B3GALT1: variants seen among roughly 807,000 people sequenced by gnomAD.
The protein encoded by B3GALT1 is beta-1,3-galactosyltransferase 1.
Under a neutral mutation model 23.2 loss-of-function variants are expected in B3GALT1, and 10 were observed. The ratio of observed to expected loss-of-function variants is 0.43; its 90% CI spans 0.27 to 0.73. B3GALT1 has a LOEUF of 0.73. Among genes scored for constraint, B3GALT1 ranks in the 30% least tolerant of loss-of-function variants. The pLI is 0.21. For missense variants in B3GALT1, 299 were observed against 405.4 expected (o/e 0.74, Z 2.25); for synonymous variants, 156 against 141.5 (o/e 1.10, Z -0.73).
intron 1 of B3GALT1, among the ~76,000 whole-genome samples, chr2:167,482,682 A>C (rs910796036): frequency 6.6e-6 from 1 of 152,164 alleles, no homozygotes; most frequent in Admixed American, 6.5e-5. Context: ...TCTACTAAAA[A>C]TAAAAAAATT....
chr2:167,652,000 T>C (rs989118874), intron 3 of B3GALT1, among the ~76,000 whole-genome samples: 1 of 152,076 alleles, frequency 6.6e-6, no homozygotes, highest in African/African-American at 2.4e-5. Flanking sequence ...CAGAGAATTC[T>C]GAATGCTTAC....
At chr2:167,642,900 A>G (rs1253648959) in intron 2 of B3GALT1, among the ~76,000 whole-genome samples, 2 of 152,146 alleles carry the variant, frequency 1.3e-5, no homozygotes, top group Non-Finnish European at 2.9e-5. Flanking sequence ...AAGTGAATGA[A>G]TCCTATTAAT....
At chr2:167,667,662 G>A (rs181209166) in intron 3 of B3GALT1, among the ~76,000 whole-genome samples, 1,950 of 152,134 alleles carry the variant, frequency 0.013, 46 homozygotes, top group African/African-American at 0.044. Flanking sequence ...TTTTATTCTT[G>A]TTTCTCTAAA....
At chr2:167,619,645 C>T (rs1351308582) in intron 2 of B3GALT1, among the ~76,000 whole-genome samples, 2 of 152,090 alleles carry the variant, frequency 1.3e-5, no homozygotes, top group African/African-American at 2.4e-5. Context: ...AAACTAGCAT[C>T]TCTCAGATCT....
At chr2:167,526,759 C>T (rs12989813) in intron 2 of B3GALT1, among the ~76,000 whole-genome samples, 56,994 of 151,984 alleles carry the variant, frequency 0.38, 11,831 homozygotes, top group East Asian at 0.87. Flanking sequence ...TTTATAGTTA[C>T]AAATTGTTGT....
chr2:167,576,533 T>G (rs566335350), intron 2 of B3GALT1, among the ~76,000 whole-genome samples: 103 of 134,354 alleles, frequency 7.7e-4, no homozygotes, highest in Middle Eastern at 3.7e-3. Flanking sequence ...TTTTTTTTTG[T>G]TTTTTTTTTT....
At chr2:167,506,826 C>T (rs1279192635) in intron 2 of B3GALT1, among the ~76,000 whole-genome samples, 3 of 152,184 alleles carry the variant, frequency 2.0e-5, no homozygotes, top group Non-Finnish European at 4.4e-5. Context: ...GGAATTAGAA[C>T]AAGTGTATGG....
Position 167,722,774 on chromosome 2 carries a change from G to C in B3GALT1, c.-352+75808G>C, listed in dbSNP as rs542730068. ...TGGACAAAAATCAGAAGTAGTAAAAGCTCAAATTCCTAAATCAAGTGACAT... is the reference window on the plus strand; with the variant it reads ...TGGACAAAAATCAGAAGTAGTAAAACCTCAAATTCCTAAATCAAGTGACAT... On this transcript the variant is annotated intron_variant, in intron 3 of 4. Transcript: ENST00000392690. Among the ~76,000 whole-genome samples the C allele has an allele frequency of 1.4e-4, 21 of 152,272 alleles. No homozygotes were observed. The South Asian group carries it at 4.1e-3, about 30-fold the overall frequency.
At chr2:167,565,282 G>A (rs771809188) in intron 2 of B3GALT1, among the ~76,000 whole-genome samples, 22 of 152,198 alleles carry the variant, frequency 1.4e-4, no homozygotes, top group Non-Finnish European at 2.9e-4. Flanking sequence ...AATAAATGGT[G>A]CTGGGACAAC....
In B3GALT1 at chr2:167,873,260, T is replaced by C. The variant is rs991909458; in HGVS notation, c.*3240T>C. ...TTAATTTACTTTTTGGAAAAACGTT[T>C]CTCTTTGGTGGCTAGTTTCGGTGGC... On this transcript the variant is annotated 3_prime_UTR_variant, in exon 5 of 5. Coordinates refer to ENST00000392690, the MANE Select transcript of B3GALT1 (RefSeq NM_020981.4). 6.6e-6 allele frequency: 1 copy of C among 152,206 alleles called. No homozygotes were observed. The highest frequency in any genetic ancestry group is 6.5e-5 in the Admixed American group (1 of 15,284). The allele number at this position is 152,206 out of a possible 1,614,324, so 9.4% of individuals were successfully genotyped here.
intron 3 of B3GALT1, among the ~76,000 whole-genome samples, chr2:167,748,107 G>A (rs966657794): frequency 6.6e-6 from 1 of 152,088 alleles, no homozygotes; most frequent in Admixed American, 6.6e-5. Context: ...GCTGCAAGAA[G>A]AAAATAAAAC....
At chr2:167,648,723 A>T (rs1574189431) in intron 3 of B3GALT1, among the ~76,000 whole-genome samples, 1 of 152,056 alleles carries the variant, frequency 6.6e-6, no homozygotes, top group Non-Finnish European at 1.5e-5. Flanking sequence ...TTATTTTTCC[A>T]TATGCCACCA....
chr2:167,584,715 G>T (rs1048060691), intron 2 of B3GALT1, among the ~76,000 whole-genome samples: 2 of 152,140 alleles, frequency 1.3e-5, no homozygotes, highest in Non-Finnish European at 2.9e-5. Flanking sequence ...ATTTGCTAGA[G>T]TGACTCACAG....
chr2:167,804,232 T>C (rs1188607219), intron 3 of B3GALT1, among the ~76,000 whole-genome samples: 2 of 152,096 alleles, frequency 1.3e-5, no homozygotes, highest in Admixed American at 6.5e-5. Flanking sequence ...TCAAGTGATC[T>C]GCGAGCCTCG....
Position 167,526,784 on chromosome 2 carries a change from AAATTC to A in B3GALT1, c.-410+36514_-410+36518del, listed in dbSNP as rs763672588. Reference sequence around the variant, plus strand: ...CAAATTGTTGTTTCTTACTAATTGTAAATTCAATTCATGGCCTTTGTCAGTATTTT... The same window carrying A: ...CAAATTGTTGTTTCTTACTAATTGTAAATTCATGGCCTTTGTCAGTATTTT... On this transcript the variant is annotated intron_variant, in intron 2 of 4. Transcript: ENST00000392690. Among the ~76,000 whole-genome samples, 14 of 152,300 alleles carry A rather than the reference AAATTC, an allele frequency of 9.2e-5. No homozygotes were observed. In the East Asian group the frequency reaches 1.9e-3, roughly 21 times the overall value.
At chr2:167,654,947 G>T (rs1685932627) in intron 3 of B3GALT1, among the ~76,000 whole-genome samples, 1 of 151,950 alleles carries the variant, frequency 6.6e-6, no homozygotes, top group African/African-American at 2.4e-5. Flanking sequence ...GATAATGAAG[G>T]CCCATGTAAG....
chr2:167,708,782 T>G lies in B3GALT1; in HGVS notation c.-352+61816T>G, dbSNP rs573233394. ...CTCCCATTGTATACACCAAGCTTAT[T>G]GATGTGCCCAGTTTCTCATTTCTCC... is the stretch of plus-strand genomic sequence containing the variant. On this transcript the variant is annotated intron_variant, in intron 3 of 4. Transcript: ENST00000392690. Among the ~76,000 whole-genome samples, 8 of 152,330 alleles carry G rather than the reference T, an allele frequency of 5.3e-5. No homozygotes were observed. The East Asian group carries it at 1.5e-3, about 29-fold the overall frequency.
chr2:167,558,906 T>G (rs529265746), intron 2 of B3GALT1, among the ~76,000 whole-genome samples: 41 of 152,286 alleles, frequency 2.7e-4, no homozygotes, highest in Admixed American at 2.6e-3. Flanking sequence ...AAGACAGCAG[T>G]AACCTCTGCA....
At chr2:167,675,754 A>G (rs562532307) in intron 3 of B3GALT1, among the ~76,000 whole-genome samples, 1 of 152,282 alleles carries the variant, frequency 6.6e-6, no homozygotes, top group African/African-American at 2.4e-5. Context: ...TCATGCTTTT[A>G]AAAATACTTT....
Sources: allele counts gnomAD v4.1 joint callset (sites outside exome capture counted in the v4.1 genomes callset), GRCh38; gene constraint gnomAD v4.1.1; transcripts MANE v1.5; gene names NCBI Gene and HGNC (gene_info 2026-07-23, HGNC 2026-07-21).